The following ANK2 variants were observed in gnomAD, a reference collection of about 807,000 sequenced individuals.
ANK2 encodes ankyrin 2.
Under a neutral mutation model 360.5 loss-of-function variants are expected in ANK2, and 83 were observed. That is an observed-to-expected ratio of 0.23 (90% CI 0.19 to 0.28). ANK2 has a LOEUF of 0.28. Among genes scored for constraint, ANK2 ranks in the 10% least tolerant of loss-of-function variants. ANK2 has a pLI of 1.00. For synonymous variants in ANK2, 1,740 were observed against 1,759.5 expected (o/e 0.99, Z 0.28); for missense variants, 4,201 against 4,795.7 (o/e 0.88, Z 3.66).
At chr4:113,378,105 G>A (rs761656548) in intron 45 of ANK2, 151 of 1,269,646 alleles carry the variant, frequency 1.2e-4, no homozygotes, top group Non-Finnish European at 1.5e-4. Context: ...GAGTTACACA[G>A]GTAGCCACAT....
intron 1 of ANK2, among the ~76,000 whole-genome samples, chr4:112,902,929 C>T (rs1370853227): frequency 6.6e-6 from 1 of 152,128 alleles, no homozygotes; most frequent in Non-Finnish European, 1.5e-5. Context: ...AGGGTGTGTG[C>T]CAGAGGGCTA....
chr4:112,951,868 T>C (rs2154253420), intron 2 of ANK2, among the ~76,000 whole-genome samples: 1 of 152,382 alleles, frequency 6.6e-6, no homozygotes, highest in Non-Finnish European at 1.5e-5. Flanking sequence ...TTGCTTTCAT[T>C]GCTTTTTGCT....
chr4:112,952,400 C>T (rs2095082769), intron 2 of ANK2, among the ~76,000 whole-genome samples: 1 of 152,152 alleles, frequency 6.6e-6, no homozygotes, highest in South Asian at 2.1e-4. Flanking sequence ...TAACAGTTGG[C>T]TTTCACAATC....
At chr4:112,862,513 A>G (rs1252620703) in intron 1 of ANK2, among the ~76,000 whole-genome samples, 1 of 152,170 alleles carries the variant, frequency 6.6e-6, no homozygotes, top group Non-Finnish European at 1.5e-5. Flanking sequence ...CCAGAGTTCT[A>G]GTTGTTTTTA....
In ANK2 at chr4:113,336,672, C is replaced by G; in HGVS notation, c.3687C>G (p.Phe1229Leu). Residue 1229 changes from phenylalanine to leucine, a missense_variant, in exon 31 of 46, where the codon TTC (phenylalanine) becomes TTG (leucine). By Grantham distance (22) the Phe-to-Leu change is conservative. This residue lies in a region of ANK2 where 1,268 missense variants were observed against 1,650.8 expected (regional missense o/e 0.77). Coordinates refer to ENST00000357077, the MANE Select transcript of ANK2 (RefSeq NM_001148.6). ...IVTLEPRRRK[F>L]HKPITMTIPV... Reference sequence around the variant, plus strand: ...CTTTGGAACCTAGAAGAAGAAAATTCCACAAACCAATTACCATGACCATTC... The same window carrying G: ...CTTTGGAACCTAGAAGAAGAAAATTGCACAAACCAATTACCATGACCATTC... 1.9e-6 allele frequency: 3 copies of G among 1,614,114 alleles called. No homozygotes were observed. Among genetic ancestry groups the G allele is most frequent in the Non-Finnish European group, 2.5e-6 (3 of 1,180,018 alleles).
At chr4:112,841,763 C>T (rs563341748) in intron 1 of ANK2, among the ~76,000 whole-genome samples, 1 of 152,322 alleles carries the variant, frequency 6.6e-6, no homozygotes, top group East Asian at 1.9e-4. Flanking sequence ...CAAACACCCT[C>T]GCCTAGCTGT....
intron 1 of ANK2, among the ~76,000 whole-genome samples, chr4:113,056,658 T>C (rs565673959): frequency 5.3e-5 from 8 of 152,228 alleles, no homozygotes; most frequent in South Asian, 2.1e-4. Flanking sequence ...ATAGAAAAAG[T>C]TTAAATTTTT....
intron 2 of ANK2, among the ~76,000 whole-genome samples, chr4:113,014,025 A>G (rs191553907): frequency 2.0e-5 from 3 of 152,122 alleles, no homozygotes; most frequent in African/African-American, 7.2e-5. Context: ...TAAAATAACT[A>G]CATATTTTTA....
intron 1 of ANK2, chr4:112,827,058 T>C: frequency 7.9e-7 from 1 of 1,273,540 alleles, no homozygotes; most frequent in South Asian, 1.2e-5. Context: ...TAACTGTTGC[T>C]GTGAACTTGA....
At position 113,353,814 on chromosome 4, in the gene ANK2, T is replaced by C. The variant is rs1263463656; in HGVS notation, c.5196T>C (p.Ser1732=). Residue 1732 remains serine, a synonymous_variant, in exon 38 of 46, where the codon AGT becomes AGC. Transcript: ENST00000357077. ...SAEKAELKKG[S]SEESLGEDPG... is the part of the protein sequence containing the mutation. ...AGAAAGCTGAACTTAAAAAAGGTAG[T>C]TCAGAAGAGTCATTAGGTGAAGACC... 1 of 1,613,998 alleles carries C rather than the reference T, an allele frequency of 6.2e-7. No individual in the cohort carries two copies. Among genetic ancestry groups the C allele is most frequent in the Non-Finnish European group, 8.5e-7 (1 of 1,179,976 alleles).
rs575423756 is a variant in ANK2, at chr4:113,018,080, A to T, written c.21+113566A>T. Reference sequence around the variant, plus strand: ...TATACTTCCCTTGAAAAATAACAAGATGAAATGTTTAGTGCATTAGATTTT... The same window carrying T: ...TATACTTCCCTTGAAAAATAACAAGTTGAAATGTTTAGTGCATTAGATTTT... On this transcript the variant is annotated intron_variant, in intron 2 of 30. Transcript: ENST00000503271. Among the ~76,000 whole-genome samples the T allele has an allele frequency of 3.9e-5, 6 of 152,370 alleles. No individual in the cohort carries two copies. The East Asian group carries it at 1.2e-3, about 29-fold the overall frequency.
At chr4:113,104,410 A>G (rs1182226256) in intron 1 of ANK2, among the ~76,000 whole-genome samples, 1 of 152,198 alleles carries the variant, frequency 6.6e-6, no homozygotes, top group Non-Finnish European at 1.5e-5. Context: ...GAGAATTGTG[A>G]AAAACATGTA....
At chr4:112,920,759 A>G (rs1299005855) in intron 2 of ANK2, among the ~76,000 whole-genome samples, 1 of 152,144 alleles carries the variant, frequency 6.6e-6, no homozygotes, top group Non-Finnish European at 1.5e-5. Flanking sequence ...GCTCTGTTCT[A>G]TTCTCATTTA....
intron 2 of ANK2, among the ~76,000 whole-genome samples, chr4:112,964,220 C>T (rs943335511): frequency 2.0e-5 from 3 of 150,424 alleles, no homozygotes; most frequent in Non-Finnish European, 3.0e-5. Context: ...AAGCGTTTAT[C>T]CTTTGTGTCA....
At chr4:113,124,598 A>C (rs2095553105) in intron 1 of ANK2, among the ~76,000 whole-genome samples, 1 of 152,008 alleles carries the variant, frequency 6.6e-6, no homozygotes, top group African/African-American at 2.4e-5. Flanking sequence ...GGGATTCCTT[A>C]CTCAGTTGTA....
the ANK2 span, among the ~76,000 whole-genome samples, chr4:112,794,224 A>C: frequency 6.6e-6 from 1 of 152,232 alleles, no homozygotes; most frequent in Non-Finnish European, 1.5e-5. Flanking sequence ...TCATGCAGTT[A>C]ATAGTTTATT....
chr4:112,705,631 G>A, the ANK2 span, among the ~76,000 whole-genome samples: 2 of 152,252 alleles, frequency 1.3e-5, no homozygotes, highest in Non-Finnish European at 2.9e-5. Flanking sequence ...CGCCAGTGAT[G>A]CGGGAGCGCC....
chr4:113,280,196 A>G (rs888992575), intron 17 of ANK2, among the ~76,000 whole-genome samples: 10 of 152,156 alleles, frequency 6.6e-5, no homozygotes, highest in Non-Finnish European at 1.3e-4. Context: ...ATAGGTACTC[A>G]ATGGGAGGTA....
At chr4:113,284,567 G>A (rs1186015030) in intron 18 of ANK2, among the ~76,000 whole-genome samples, 4 of 152,064 alleles carry the variant, frequency 2.6e-5, no homozygotes, top group Admixed American at 2.6e-4. Context: ...CTTTGACAGC[G>A]TTTTATCAGT....
Sources: gnomAD v4.1 joint callset for allele counts (sites outside exome capture counted in the v4.1 genomes callset) on GRCh38, gnomAD v4.1.1 for gene constraint, gnomAD v4.1.1 regional missense constraint, MANE v1.5 for transcripts, NCBI Gene and HGNC (gene_info 2026-07-23, HGNC 2026-07-21) for gene names.